KCTD1: variants seen among roughly 807,000 people sequenced by gnomAD.
KCTD1 encodes the protein BTB/POZ domain-containing protein KCTD1.
KCTD1 carries 24 observed loss-of-function variants against 66.0 expected under a neutral mutation model. That is an observed-to-expected ratio of 0.36 (90% CI 0.26 to 0.51). KCTD1 has a LOEUF of 0.51. Among genes scored for constraint, KCTD1 ranks in the 20% least tolerant of loss-of-function variants. The pLI, the probability that KCTD1 is intolerant of heterozygous loss-of-function variation, is 0.95. For synonymous variants in KCTD1, 511 were observed against 517.2 expected, an observed-to-expected ratio of 0.99 and a Z score of 0.16; for missense variants, 943 against 1,205.2, an observed-to-expected ratio of 0.78 and a Z score of 3.22.
chr18:26,474,364 A>T (rs1981231483), intron 3 of KCTD1, among the ~76,000 whole-genome samples: 1 of 152,204 alleles, frequency 6.6e-6, no homozygotes. Context: ...TATTTCTAGC[A>T]GATCAAAGAG....
At chr18:26,624,214 C>G (rs1272796959) in intron 1 of KCTD1, among the ~76,000 whole-genome samples, 1 of 152,122 alleles carries the variant, frequency 6.6e-6, no homozygotes, top group African/African-American at 2.4e-5. Flanking sequence ...GAAAAGAAAA[C>G]CCCATTTTCT....
intron 1 of KCTD1, among the ~76,000 whole-genome samples, chr18:26,649,634 G>A (rs1276564411): frequency 6.6e-6 from 1 of 151,970 alleles, no homozygotes; most frequent in Non-Finnish European, 1.5e-5. Flanking sequence ...CCAGCCTCCC[G>A]AGTAGCTGGG....
At chr18:26,558,264 A>ACCC (rs549725239) in intron 1 of KCTD1, among the ~76,000 whole-genome samples, 2 of 152,250 alleles carry the variant, frequency 1.3e-5, no homozygotes, top group Non-Finnish European at 2.9e-5. Context: ...ATATCATCTC[A>ACCC]CCCCAGTTAA....
intron 1 of KCTD1, among the ~76,000 whole-genome samples, chr18:26,540,242 A>G: frequency 6.6e-6 from 1 of 152,192 alleles, no homozygotes; most frequent in South Asian, 2.1e-4. Context: ...AAAGGAAGCA[A>G]CATCTGTCTC....
chr18:26,582,271 T>TA (rs34642580), intron 1 of KCTD1, among the ~76,000 whole-genome samples: 22,201 of 143,766 alleles, frequency 0.15, 1,721 homozygotes, highest in East Asian at 0.25. Context: ...ACACCCCGTC[T>TA]AAAAAAAAAA....
At chr18:26,488,342 C>A in intron 2 of KCTD1, among the ~76,000 whole-genome samples, 1 of 152,076 alleles carries the variant, frequency 6.6e-6, no homozygotes, top group East Asian at 1.9e-4. Context: ...TTCTTTAGGG[C>A]CCCTAAGATT....
chr18:26,616,141 C>CTTTTTTTT (rs11354165), intron 1 of KCTD1, among the ~76,000 whole-genome samples: 3 of 138,090 alleles, frequency 2.2e-5, no homozygotes, highest in Non-Finnish European at 3.1e-5. Flanking sequence ...TTAAGTGTTT[C>CTTTTTTTT]TTTTTTTTTT....
intron 1 of KCTD1, among the ~76,000 whole-genome samples, chr18:26,582,445 G>A (rs546843212): frequency 1.3e-5 from 2 of 152,220 alleles, no homozygotes; most frequent in East Asian, 3.9e-4. Flanking sequence ...TTGTACTAGT[G>A]GAATTGTAAA....
At chr18:26,629,583 C>A (rs188503501), upstream of KCTD1, among the ~76,000 whole-genome samples, 2 of 152,044 alleles carry the variant, frequency 1.3e-5, no homozygotes, top group South Asian at 2.1e-4. Context: ...GGCAATGGAC[C>A]CTGCGAAAGG....
intron 2 of KCTD1, among the ~76,000 whole-genome samples, chr18:26,496,831 G>A (rs996299584): frequency 2.8e-4 from 43 of 151,960 alleles, no homozygotes; most frequent in Admixed American, 2.3e-3. Context: ...TTTTCTTTTG[G>A]TGAAATGGCC....
At chr18:26,462,050 T>A (rs919568269) in intron 3 of KCTD1, among the ~76,000 whole-genome samples, 1 of 152,240 alleles carries the variant, frequency 6.6e-6, no homozygotes, top group Non-Finnish European at 1.5e-5. Context: ...GACTTGGGGT[T>A]AGAAGTCCTC....
chr18:26,599,798 G>A (rs762658775), intron 1 of KCTD1: 35 of 1,565,758 alleles, frequency 2.2e-5, no homozygotes, highest in South Asian at 8.9e-5. Context: ...GAGCTGCAGC[G>A]GGAGCCCCTA....
chr18:26,616,838 A>G (rs1295357104), intron 1 of KCTD1, among the ~76,000 whole-genome samples: 1 of 152,190 alleles, frequency 6.6e-6, no homozygotes, highest in African/African-American at 2.4e-5. Context: ...CTTGTAATGC[A>G]ATCTAGACTT....
At chr18:26,611,366 T>A (rs1317835964) in intron 1 of KCTD1, among the ~76,000 whole-genome samples, 1 of 147,096 alleles carries the variant, frequency 6.8e-6, no homozygotes, top group Non-Finnish European at 1.5e-5. Flanking sequence ...GTTTGTTTGT[T>A]TTGAGATGGA....
intron 1 of KCTD1, among the ~76,000 whole-genome samples, chr18:26,647,337 C>CT (rs1555649533): frequency 1.6e-5 from 1 of 60,846 alleles, no homozygotes; most frequent in Non-Finnish European, 5.6e-5. Context: ...TGAAACCCCC[C>CT]CCCCATCTCT....
At chr18:26,604,842 T>C (rs1616725) in intron 1 of KCTD1, among the ~76,000 whole-genome samples, 86,170 of 151,890 alleles carry the variant, frequency 0.57, 24,793 homozygotes, top group African/African-American at 0.67. Flanking sequence ...CCCTGTGAAA[T>C]GAGTTTATCT....
intron 1 of KCTD1, among the ~76,000 whole-genome samples, chr18:26,558,249 A>G (rs543330340): frequency 7.9e-5 from 12 of 152,346 alleles, no homozygotes; most frequent in African/African-American, 2.9e-4. Flanking sequence ...CAAAACTACA[A>G]TGAGATATCA....
chr18:26,597,186 G>T (rs886802592), intron 1 of KCTD1, among the ~76,000 whole-genome samples: 2 of 151,998 alleles, frequency 1.3e-5, no homozygotes, highest in Non-Finnish European at 2.9e-5. Flanking sequence ...GTTGAGGAGG[G>T]TACCCCCAGA....
rs979434858 is a variant in KCTD1, at chr18:26,468,012, A to G, written c.2134-8087T>C. ...GATGATGTTAAAGATAAAAGGCTACAGAGAGAGAGAGAGAGAGAAAGAGAG... is the reference window on the plus strand; with the variant it reads ...GATGATGTTAAAGATAAAAGGCTACGGAGAGAGAGAGAGAGAGAAAGAGAG... On this transcript the variant is annotated intron_variant, in intron 3 of 4. Coordinates refer to ENST00000580059, the MANE Select transcript of KCTD1 (RefSeq NM_001142730.3). The surrounding 1 kb of genome is among the most constrained non-coding windows in gnomAD (Gnocchi z 4.8). 4.3e-5 allele frequency among the ~76,000 whole-genome samples: 6 copies of G among 140,522 alleles called. No individual in the cohort carries two copies. The highest frequency in any genetic ancestry group is 8.1e-5 in the Non-Finnish European group (5 of 61,706). 92.2% of individuals were successfully genotyped at this position (140,522 alleles called of 152,430 possible). A position where few individuals can be genotyped will look rare whatever the true frequency, so the allele number is the denominator to read the frequency against.
Sources: gnomAD v4.1 joint callset for allele counts (sites outside exome capture counted in the v4.1 genomes callset) on GRCh38, gnomAD v4.1.1 for gene constraint, Gnocchi (gnomAD v3.1) non-coding constraint, MANE v1.5 for transcripts, NCBI Gene and HGNC (gene_info 2026-07-23, HGNC 2026-07-21) for gene names.